CRTAM: variants seen among roughly 807,000 people sequenced by gnomAD.
CRTAM encodes the protein cytotoxic and regulatory T cell molecule.
A neutral mutation model predicts 50.0 loss-of-function variants in CRTAM; 44 were observed. That is an observed-to-expected ratio of 0.88 (90% CI 0.69 to 1.13). The LOEUF is 1.13. Ranked by LOEUF, CRTAM falls within the 50% of genes most tolerant of loss-of-function variation. The pLI is 0.00. For synonymous variants in CRTAM, 159 were observed against 169.3 expected, an observed-to-expected ratio of 0.94 and a Z score of 0.47; for missense variants, 448 against 457.5, an observed-to-expected ratio of 0.98 and a Z score of 0.19.
At chr11:122,853,903 C>T in intron 3 of CRTAM, 40 bp from the exon 4 acceptor site, 1 of 1,591,412 alleles carries the variant, frequency 6.3e-7, no homozygotes. Flanking sequence ...GATATGCAGA[C>T]TCATATCTAA....
At chr11:122,852,035 A>G (rs1861937038) in intron 3 of CRTAM, among the ~76,000 whole-genome samples, 190 bp downstream of exon 3, 1 of 152,228 alleles carries the variant, frequency 6.6e-6, no homozygotes, top group South Asian at 2.1e-4. Flanking sequence ...TTGAACTGTG[A>G]ACTTGTGAAA....
chr11:122,856,123 G>T (rs146608970), intron 5 of CRTAM, among the ~76,000 whole-genome samples: 1 of 152,282 alleles, frequency 6.6e-6, no homozygotes, highest in Non-Finnish European at 1.5e-5. Flanking sequence ...TTTTGATAAT[G>T]ACTTTAAATC....
chr11:122,848,264 G>A (rs1861890446), intron 1 of CRTAM, among the ~76,000 whole-genome samples: 1 of 152,104 alleles, frequency 6.6e-6, no homozygotes, highest in South Asian at 2.1e-4. Context: ...GGGACTCAAT[G>A]GCTTCTTAAA....
At position 122,855,818 on chromosome 11, in the gene CRTAM, G is replaced by A; in HGVS notation, c.614G>A (p.Gly205Glu). 6.2e-7 allele frequency: 1 copy of A among 1,613,940 alleles called. No individual in the cohort carries two copies. Among genetic ancestry groups the A allele is most frequent in the South Asian group, 1.1e-5 (1 of 91,056 alleles). The change falls in exon 5 of 10, where the codon GGG becomes GAG. Residue 205 changes from glycine (G) to glutamate (E), a missense_variant. Gly to Glu is a moderately conservative substitution (Grantham distance 98). Coordinates refer to ENST00000227348, the MANE Select transcript of CRTAM (RefSeq NM_019604.4). ...ATTATCCGACACAGAGGCCTGCAAG[G>A]GAGAAAACTAGTAGCACCCTTCCGG... The part of the protein sequence containing the change: ...DCIIRHRGLQ[G>E]RKLVAPFRFE...
intron 4 of CRTAM, among the ~76,000 whole-genome samples, chr11:122,855,250 C>A (rs61910290): frequency 6.6e-6 from 1 of 152,064 alleles, no homozygotes; most frequent in Non-Finnish European, 1.5e-5. Context: ...GGCCTGTAAT[C>A]AACATTCTTA....
intron 1 of CRTAM, among the ~76,000 whole-genome samples, chr11:122,839,350 C>T (rs2135225055): frequency 6.6e-6 from 1 of 152,332 alleles, no homozygotes; most frequent in African/African-American, 2.4e-5. Flanking sequence ...ATCCACCAAA[C>T]TCCCTGGATT....
rs759967980 is a variant in CRTAM at position 122,864,659 on chromosome 11, A to C, written c.757A>C (p.Thr253Pro). Residue 253 changes from threonine to proline, a missense_variant, in exon 7 of 10, where the codon ACA (threonine) becomes CCA (proline). Transcript: ENST00000227348. ...AGTCTCAGTAACGGAAGATTCTAGTACATCGGAGATTGACAAGGAAGAGAA... is the reference window on the plus strand; with the variant it reads ...AGTCTCAGTAACGGAAGATTCTAGTCCATCGGAGATTGACAAGGAAGAGAA... ...STVSVTEDSS[T>P]SEIDKEEKEQ... 1 of 1,613,630 alleles carries C rather than the reference A, an allele frequency of 6.2e-7. No homozygotes were observed. The highest frequency in any genetic ancestry group is 1.7e-4 in the Middle Eastern group (1 of 6,060).
At chr11:122,857,301 T>C (rs1862019776) in intron 5 of CRTAM, among the ~76,000 whole-genome samples, 1 of 152,116 alleles carries the variant, frequency 6.6e-6, no homozygotes, top group African/African-American at 2.4e-5. Context: ...AAACCCCATC[T>C]CTACTAAAAA....
chr11:122,858,710 A>G (rs1862035291), intron 5 of CRTAM, among the ~76,000 whole-genome samples: 1 of 151,908 alleles, frequency 6.6e-6, no homozygotes, highest in Admixed American at 6.6e-5. Flanking sequence ...AAAATTTTTT[A>G]TAGAGACAGA....
intron 1 of CRTAM, among the ~76,000 whole-genome samples, chr11:122,849,709 T>C (rs541710395): frequency 1.3e-5 from 2 of 151,642 alleles, no homozygotes; most frequent in East Asian, 3.9e-4. Flanking sequence ...GCAACCAGAG[T>C]GAGACTTTGT....
In CRTAM at chr11:122,871,320, C is replaced by G. The variant is rs1916036; in HGVS notation, c.1103C>G (p.Ala368Gly). ...TACATCACAAAGTTGTACTCAGAAG[C>G]AAAAACAAAGAGGAAGGAAAATGTA... is the stretch of plus-strand genomic sequence containing the variant. ...MNYITKLYSE[A>G]KTKRKENVQH... The change falls in exon 10 of 10, where the codon GCA (alanine) becomes GGA (glycine). Residue 368 changes from alanine (A) to glycine (G), a missense_variant. Transcript: ENST00000227348. The G allele has an allele frequency of 0.04, 64,479 of 1,612,786 alleles. 3,784 individuals carry two copies. Among genetic ancestry groups the G allele is most frequent in the East Asian group, 0.31 (13,751 of 44,692 alleles).
intron 1 of CRTAM, among the ~76,000 whole-genome samples, chr11:122,843,421 A>G (rs1302715544): frequency 6.6e-6 from 1 of 152,166 alleles, no homozygotes; most frequent in Admixed American, 6.5e-5. Flanking sequence ...AACATCACCT[A>G]CCGTAGGAAG....
At chr11:122,870,373 G>A (rs1466094715) in intron 9 of CRTAM, among the ~76,000 whole-genome samples, 8 of 152,106 alleles carry the variant, frequency 5.3e-5, no homozygotes, top group East Asian at 1.9e-4. Flanking sequence ...GAGCCACCAC[G>A]CCCAGCCAAC....
chr11:122,860,637 A>G (rs1320055990), intron 5 of CRTAM, among the ~76,000 whole-genome samples: 1 of 152,210 alleles, frequency 6.6e-6, no homozygotes, highest in Non-Finnish European at 1.5e-5. Context: ...CACATAGTAT[A>G]TACTATGTTA....
At chr11:122,868,878 A>G (rs1862217642) in intron 9 of CRTAM, among the ~76,000 whole-genome samples, 2 of 152,120 alleles carry the variant, frequency 1.3e-5, no homozygotes, top group South Asian at 2.1e-4. Context: ...GCATGGTGGC[A>G]GGAGCCTGTA....
rs139072024 is a variant in CRTAM, at chr11:122,855,769, G to A, written c.565G>A (p.Gly189Ser). The A allele has an allele frequency of 8.4e-5, 136 of 1,613,870 alleles. 1 individual carries two copies. The highest frequency in any genetic ancestry group is 1.1e-4 in the Non-Finnish European group (126 of 1,179,862). ...TTSTLIIHTY[G>S]KNSTVDCIIR... ...CAGCACTCTCATAATCCACACTTAT[G>A]GCAAAAATTCAACGGTGGACTGCAT... is the stretch of plus-strand genomic sequence containing the variant. Residue 189 changes from glycine to serine, a missense_variant, in exon 5 of 10, where the codon GGC becomes AGC. Gly to Ser is a moderately conservative substitution (Grantham distance 56, BLOSUM62 0). Transcript: ENST00000227348.
At chr11:122,854,505 C>G (rs1381608053) in intron 4 of CRTAM, among the ~76,000 whole-genome samples, 1 of 141,990 alleles carries the variant, frequency 7.0e-6, no homozygotes, top group Non-Finnish European at 1.5e-5. Flanking sequence ...AAACCTCGTC[C>G]CTACTAAAAA....
chr11:122,866,393 A>C (rs1170057378), intron 7 of CRTAM, among the ~76,000 whole-genome samples: 1 of 152,140 alleles, frequency 6.6e-6, no homozygotes, highest in African/African-American at 2.4e-5. Flanking sequence ...ATGGATCCAG[A>C]ATTTGACATA....
At chr11:122,858,332 C>G (rs1381382825) in intron 5 of CRTAM, among the ~76,000 whole-genome samples, 2 of 152,134 alleles carry the variant, frequency 1.3e-5, no homozygotes, top group East Asian at 3.9e-4. Context: ...TCAAGTTGAT[C>G]CTCCTGCCTC....
Sources: gnomAD v4.1 joint callset for allele counts (sites outside exome capture counted in the v4.1 genomes callset) on GRCh38, gnomAD v4.1.1 for gene constraint, MANE v1.5 for transcripts, NCBI Gene and HGNC (gene_info 2026-07-23, HGNC 2026-07-21) for gene names.